The following ZNF385B variants were observed in gnomAD, a reference collection of about 807,000 sequenced individuals.
The protein encoded by ZNF385B is zinc finger protein 533.
Under a neutral mutation model 39.2 loss-of-function variants are expected in ZNF385B, and 23 were observed. The ratio of observed to expected loss-of-function variants is 0.59; its 90% confidence interval spans 0.42 to 0.83. The LOEUF (loss-of-function observed/expected upper bound fraction) is 0.83. ZNF385B is among the 40% of genes least tolerant of loss of function. The pLI is 0.00. For missense variants in ZNF385B, 552 were observed against 598.9 expected (o/e 0.92, Z 0.82); for synonymous variants, 205 against 222.6 (o/e 0.92, Z 0.70).
chr2:179,579,913 G>T (rs1382082936), intron 3 of ZNF385B, among the ~76,000 whole-genome samples: 1 of 152,076 alleles, frequency 6.6e-6, no homozygotes. Context: ...TAAGTAACTT[G>T]CCCACTTACT....
chr2:179,462,932 G>C (rs2051515369), intron 6 of ZNF385B, among the ~76,000 whole-genome samples: 1 of 151,930 alleles, frequency 6.6e-6, no homozygotes. Flanking sequence ...TGAAAATAGA[G>C]CTTTCTTGGC....
chr2:179,493,512 T>TATACATATGTGTGTACATATATGCGC (rs1559334114), intron 5 of ZNF385B, among the ~76,000 whole-genome samples: 3 of 151,424 alleles, frequency 2.0e-5, no homozygotes, highest in South Asian at 2.1e-4. Context: ...CATATATGCG[T>TATACATATGTGTGTACATATATGCGC]ATACATATGT....
At chr2:179,731,192 A>G (rs1454965077) in intron 3 of ZNF385B, among the ~76,000 whole-genome samples, 1 of 152,178 alleles carries the variant, frequency 6.6e-6, no homozygotes, top group East Asian at 1.9e-4. Context: ...CTCTGCTTTT[A>G]CTTTTTCCCA....
intron 3 of ZNF385B, chr2:179,584,110 G>C (rs753056666): frequency 2.2e-5 from 10 of 457,956 alleles, no homozygotes; most frequent in Middle Eastern, 3.4e-4. Context: ...CATTAGAGCA[G>C]AGTTTTTCAA....
intron 5 of ZNF385B, among the ~76,000 whole-genome samples, chr2:179,512,573 G>A (rs9288039): frequency 0.72 from 109,612 of 152,074 alleles, 40,389 homozygotes; most frequent in East Asian, 0.91. Flanking sequence ...TAAAAGATCA[G>A]GATTCAGATT....
chr2:179,515,346 T>C (rs2058016575), intron 5 of ZNF385B, among the ~76,000 whole-genome samples: 1 of 152,208 alleles, frequency 6.6e-6, no homozygotes, highest in Non-Finnish European at 1.5e-5. Flanking sequence ...TTTTGCACGA[T>C]TTTTGCAATT....
intron 3 of ZNF385B, among the ~76,000 whole-genome samples, chr2:179,623,507 T>C (rs1273112372): frequency 1.3e-5 from 2 of 152,092 alleles, no homozygotes; most frequent in Admixed American, 6.6e-5. Flanking sequence ...AATCCTGAAC[T>C]AGTGATATCA....
chr2:179,456,270 C>T (rs1262407301), intron 6 of ZNF385B, among the ~76,000 whole-genome samples: 2 of 152,104 alleles, frequency 1.3e-5, no homozygotes, highest in Admixed American at 1.3e-4. Context: ...GATGCATATA[C>T]CAAATTGCCC....
At chr2:179,782,497 G>C (rs895783306) in intron 1 of ZNF385B, among the ~76,000 whole-genome samples, 6 of 152,050 alleles carry the variant, frequency 3.9e-5, no homozygotes, top group Non-Finnish European at 5.9e-5. Context: ...AATCAGACAA[G>C]GGAACAAAAT....
intron 3 of ZNF385B, among the ~76,000 whole-genome samples, chr2:179,555,523 C>T (rs938284225): frequency 6.7e-6 from 1 of 149,526 alleles, no homozygotes; most frequent in African/African-American, 2.5e-5. Flanking sequence ...GCAGTCAATG[C>T]TATTAATTCT....
At chr2:179,636,544 T>C (rs1691769131) in intron 3 of ZNF385B, among the ~76,000 whole-genome samples, 1 of 152,198 alleles carries the variant, frequency 6.6e-6, no homozygotes, top group African/African-American at 2.4e-5. Flanking sequence ...TCCCTCACTT[T>C]AGCAAATATT....
At chr2:179,792,202 T>C (rs1008908623) in intron 1 of ZNF385B, among the ~76,000 whole-genome samples, 2 of 152,280 alleles carry the variant, frequency 1.3e-5, no homozygotes, top group Admixed American at 6.5e-5. Context: ...TGTTCTGTTA[T>C]AAGCCAAGAT....
At chr2:179,766,749 G>GT (rs1426069809) in intron 3 of ZNF385B, among the ~76,000 whole-genome samples, 1 of 152,114 alleles carries the variant, frequency 6.6e-6, no homozygotes, top group African/African-American at 2.4e-5. Flanking sequence ...ATATTCTGAG[G>GT]TACTGGGGGT....
intron 3 of ZNF385B, among the ~76,000 whole-genome samples, chr2:179,680,711 T>G (rs1697438838): frequency 6.6e-6 from 1 of 152,278 alleles, no homozygotes; most frequent in Non-Finnish European, 1.5e-5. Context: ...CCTTTACTGG[T>G]TTTAACTTAA....
At chr2:179,563,004 T>C (rs1014002874) in intron 3 of ZNF385B, among the ~76,000 whole-genome samples, 7 of 152,220 alleles carry the variant, frequency 4.6e-5, no homozygotes, top group African/African-American at 1.2e-4. Context: ...GCCTGAAGAA[T>C]TTGTTTCCTT....
At chr2:179,475,722 T>TGTAAGGCTAACTTTATGTGGCACTAGACC (rs2053349652) in intron 6 of ZNF385B, among the ~76,000 whole-genome samples, 4 of 151,928 alleles carry the variant, frequency 2.6e-5, no homozygotes, top group African/African-American at 7.2e-5. Context: ...AGCATTATAC[T>TGTAAGGCTAACTTTATGTGGCACTAGACC]ATAAGGCTTA....
At chr2:179,463,448 C>T (rs2051594100) in intron 6 of ZNF385B, among the ~76,000 whole-genome samples, 1 of 152,046 alleles carries the variant, frequency 6.6e-6, no homozygotes, top group Non-Finnish European at 1.5e-5. Context: ...TGGTTTGCTG[C>T]ACCCATCAAC....
At chr2:179,583,469 T>C (rs555080002) in intron 3 of ZNF385B, among the ~76,000 whole-genome samples, 1 of 152,334 alleles carries the variant, frequency 6.6e-6, no homozygotes, top group South Asian at 2.1e-4. Context: ...TTTTCATTTA[T>C]GTAATCATCA....
chr2:179,766,065 C>CACACACACAG (rs1390356107), intron 3 of ZNF385B, among the ~76,000 whole-genome samples: 7 of 150,824 alleles, frequency 4.6e-5, no homozygotes, highest in African/African-American at 1.7e-4. Context: ...CACACACACA[C>CACACACACAG]AGCAGACTGG....
Sources: allele counts gnomAD v4.1 joint callset (sites outside exome capture counted in the v4.1 genomes callset), GRCh38; gene constraint gnomAD v4.1.1; transcripts MANE v1.5; gene names NCBI Gene and HGNC (gene_info 2026-07-23, HGNC 2026-07-21).